CERS6: variants seen among roughly 807,000 people sequenced by gnomAD.
CERS6 encodes LAG1 homolog, ceramide synthase 6.
A neutral mutation model predicts 56.8 loss-of-function variants in CERS6; 26 were observed. The observed-to-expected ratio is 0.46, with a 90% CI of 0.34 to 0.63. The LOEUF is 0.63. Among genes scored for constraint, CERS6 ranks in the 30% least tolerant of loss-of-function variants. The pLI, the probability that CERS6 is intolerant of heterozygous loss-of-function variation, is 0.01. For synonymous variants in CERS6, 164 were observed against 173.3 expected (o/e 0.95, Z 0.42); for missense variants, 415 against 467.5 (o/e 0.89, Z 1.04).
At chr2:168,542,813 C>T (rs1217899979) in intron 1 of CERS6, among the ~76,000 whole-genome samples, 1 of 152,136 alleles carries the variant, frequency 6.6e-6, no homozygotes, top group East Asian at 1.9e-4. Flanking sequence ...TCTCCTGCCT[C>T]AGCTTCCAGA....
chr2:168,573,097 G>GA (rs1696020248), intron 3 of CERS6, among the ~76,000 whole-genome samples: 3 of 151,952 alleles, frequency 2.0e-5, no homozygotes. Flanking sequence ...ACCAAATGGA[G>GA]AAAAAAGGGG....
chr2:168,619,385 C>T lies in CERS6; in HGVS notation c.408-11600C>T, dbSNP rs183038150. Among the ~76,000 whole-genome samples, 416 of 152,198 alleles carry T rather than the reference C, an allele frequency of 2.7e-3. 5 individuals are homozygous for T. Among genetic ancestry groups the T allele is most frequent in the Admixed American group, 0.02 (313 of 15,284 alleles). On this transcript the variant is annotated intron_variant, in intron 3 of 9. Coordinates refer to ENST00000305747, the MANE Select transcript of CERS6 (RefSeq NM_203463.3). ...ACTTAATTAAACTAAAGAACTTTTG[C>T]ATGGCAAAAGGAAGTCAGCAGAGTA... is the stretch of plus-strand genomic sequence containing the variant.
At position 168,456,630 on chromosome 2, in the gene CERS6, T is replaced by A. The variant is rs1202978040; in HGVS notation, c.170+12T>A. 2 of 1,612,220 alleles carry A rather than the reference T, an allele frequency of 1.2e-6. No homozygotes were observed. Among genetic ancestry groups the A allele is most frequent in the East Asian group, 4.5e-5 (2 of 44,682 alleles). ...CTCATCTTCGAGAGGTAAGAAGGGC[T>A]GAAGCCCCTCCTCCCCTCCCCCTGC... On this transcript the variant is annotated intron_variant, in intron 1 of 9. Coordinates refer to ENST00000305747, the MANE Select transcript of CERS6 (RefSeq NM_203463.3). This position sits in a 1 kb window ranked among gnomAD's most constrained non-coding sequence, Gnocchi z 4.1.
chr2:168,459,519 G>A (rs1051936280), intron 1 of CERS6, among the ~76,000 whole-genome samples: 3 of 152,308 alleles, frequency 2.0e-5, no homozygotes, highest in Admixed American at 6.5e-5. Flanking sequence ...GGCTGAGTCT[G>A]TGAAGATCTC....
chr2:168,542,620 TA>T (rs1695392524), intron 1 of CERS6, among the ~76,000 whole-genome samples: 1 of 152,242 alleles, frequency 6.6e-6, no homozygotes, highest in South Asian at 2.1e-4. Flanking sequence ...GACATATGTT[TA>T]TTTTTTTTAA....
chr2:168,463,630 G>C (rs1693817172), intron 1 of CERS6, among the ~76,000 whole-genome samples: 1 of 152,136 alleles, frequency 6.6e-6, no homozygotes, highest in Admixed American at 6.5e-5. Flanking sequence ...TCTGGAGGCT[G>C]AGCACAGTGG....
At chr2:168,664,669 A>G (rs983240443) in intron 4 of CERS6, among the ~76,000 whole-genome samples, 4 of 152,176 alleles carry the variant, frequency 2.6e-5, no homozygotes, top group Non-Finnish European at 4.4e-5. Flanking sequence ...GTAAACTGTC[A>G]TGGTGCTGGT....
chr2:168,499,389 A>G (rs1464983517), intron 1 of CERS6, among the ~76,000 whole-genome samples: 1 of 152,238 alleles, frequency 6.6e-6, no homozygotes, highest in Non-Finnish European at 1.5e-5. Flanking sequence ...ATAGAACACA[A>G]GCATTTTGAT....
chr2:168,528,025 A>C (rs1032659956), intron 1 of CERS6, among the ~76,000 whole-genome samples: 1 of 151,868 alleles, frequency 6.6e-6, no homozygotes, highest in African/African-American at 2.4e-5. Context: ...CCCAGCCTCC[A>C]TGAGCCCTTT....
At chr2:168,733,613 G>A (rs1035279094) in intron 8 of CERS6, among the ~76,000 whole-genome samples, 5 of 152,182 alleles carry the variant, frequency 3.3e-5, no homozygotes, top group Admixed American at 6.5e-5. Flanking sequence ...AACCAAATGC[G>A]TATCTTACAG....
chr2:168,706,854 G>T (rs1686952811), intron 6 of CERS6, among the ~76,000 whole-genome samples: 2 of 152,200 alleles, frequency 1.3e-5, no homozygotes. Flanking sequence ...TTTCTGTAAA[G>T]GACCAGGTAA....
chr2:168,582,852 A>G (rs1465825519), intron 3 of CERS6: 1 of 154,320 alleles, frequency 6.5e-6, no homozygotes, highest in Non-Finnish European at 1.5e-5. Context: ...TGAAATAGCC[A>G]TCCTTCCCAA....
chr2:168,698,269 A>G (rs1468577788), intron 6 of CERS6, among the ~76,000 whole-genome samples: 1 of 94,768 alleles, frequency 1.1e-5, no homozygotes, highest in African/African-American at 3.0e-5. Context: ...AAAAAAAAAA[A>G]AAAAAAGAAA....
intron 1 of CERS6, among the ~76,000 whole-genome samples, chr2:168,515,767 T>A (rs1418270635): frequency 6.6e-6 from 1 of 152,216 alleles, no homozygotes; most frequent in African/African-American, 2.4e-5. Flanking sequence ...AAGTACTTGT[T>A]GTGCCAAGAA....
At chr2:168,572,252 A>G (rs1288114887) in intron 3 of CERS6, among the ~76,000 whole-genome samples, 1 of 152,190 alleles carries the variant, frequency 6.6e-6, no homozygotes, top group Non-Finnish European at 1.5e-5. Context: ...AGTGGGCATT[A>G]ATGCTGGCAG....
At chr2:168,527,771 A>G (rs1695096196) in intron 1 of CERS6, among the ~76,000 whole-genome samples, 2 of 152,048 alleles carry the variant, frequency 1.3e-5, no homozygotes, top group Admixed American at 6.6e-5. Context: ...CCCAGGCTAG[A>G]CTTAAGTAGT....
intron 3 of CERS6, among the ~76,000 whole-genome samples, chr2:168,619,289 A>G (rs1285643451): frequency 6.6e-6 from 1 of 152,198 alleles, no homozygotes; most frequent in Non-Finnish European, 1.5e-5. Context: ...CCTTCTAGAC[A>G]TTGGCTTAAG....
At chr2:168,498,928 G>A (rs752700106) in intron 1 of CERS6, among the ~76,000 whole-genome samples, 4 of 152,122 alleles carry the variant, frequency 2.6e-5, no homozygotes, top group Non-Finnish European at 4.4e-5. Context: ...CCCACATCTC[G>A]TTATGACCGT....
At chr2:168,751,867 C>T (rs1244382328) in intron 8 of CERS6, among the ~76,000 whole-genome samples, 2 of 152,180 alleles carry the variant, frequency 1.3e-5, no homozygotes, top group Admixed American at 1.3e-4. Context: ...CTTGTGTATA[C>T]CCTTTGCTTT....
Sources: allele counts gnomAD v4.1 joint callset (sites outside exome capture counted in the v4.1 genomes callset), GRCh38; gene constraint gnomAD v4.1.1; non-coding constraint Gnocchi (gnomAD v3.1); transcripts MANE v1.5; gene names NCBI Gene and HGNC (gene_info 2026-07-23, HGNC 2026-07-21).